The following RGS7 variants were observed in gnomAD, a reference collection of about 807,000 sequenced individuals.
The protein encoded by RGS7 is regulator of G-protein signaling 7.
Under a neutral mutation model 81.1 loss-of-function variants are expected in RGS7, and 27 were observed. That is an observed-to-expected ratio of 0.33 (90% CI 0.25 to 0.46). RGS7 has a LOEUF of 0.46. Ranked by LOEUF, RGS7 falls within the 20% of genes least tolerant of loss-of-function variation. The probability of loss-of-function intolerance (pLI) is 1.00; values close to 1 mark genes in which losing one functional copy is unlikely to be tolerated. For synonymous variants in RGS7, 208 were observed against 207.7 expected (o/e 1.00, Z -0.01); for missense variants, 396 against 607.4 (o/e 0.65, Z 3.66).
chr1:241,125,742 C>A (rs2066614288), intron 2 of RGS7, among the ~76,000 whole-genome samples: 1 of 152,192 alleles, frequency 6.6e-6, no homozygotes, highest in Non-Finnish European at 1.5e-5. Flanking sequence ...TTCAGGGTGA[C>A]CCTGTACAGA....
intron 2 of RGS7, among the ~76,000 whole-genome samples, chr1:241,206,887 C>T (rs1481441104): frequency 6.6e-6 from 1 of 151,282 alleles, no homozygotes; most frequent in African/African-American, 2.4e-5. Flanking sequence ...GCACTTAGTG[C>T]TGTCTCAATT....
chr1:240,821,038 A>T (rs543303722), intron 10 of RGS7, among the ~76,000 whole-genome samples: 56 of 152,272 alleles, frequency 3.7e-4, no homozygotes, highest in African/African-American at 1.3e-3. Context: ...GGAAGTCAGT[A>T]CACAGAAAGA....
intron 18 of RGS7, among the ~76,000 whole-genome samples, chr1:240,796,150 A>G (rs1687033991): frequency 6.6e-6 from 1 of 152,180 alleles, no homozygotes; most frequent in Non-Finnish European, 1.5e-5. Flanking sequence ...ACCTAAATAG[A>G]AACACATCAA....
chr1:241,137,008 A>G (rs1340037671), intron 2 of RGS7, among the ~76,000 whole-genome samples: 1 of 152,122 alleles, frequency 6.6e-6, no homozygotes, highest in Non-Finnish European at 1.5e-5. Context: ...TTCTTAAACA[A>G]TGTGCATTAC....
At chr1:240,906,647 G>A (rs935857515) in intron 6 of RGS7, among the ~76,000 whole-genome samples, 3 of 152,322 alleles carry the variant, frequency 2.0e-5, no homozygotes, top group South Asian at 2.1e-4. Flanking sequence ...AGTACAATGT[G>A]TTATCACTGT....
intron 2 of RGS7, among the ~76,000 whole-genome samples, chr1:241,241,872 C>T (rs959245643): frequency 3.3e-5 from 5 of 151,850 alleles, no homozygotes; most frequent in Non-Finnish European, 1.5e-5. Flanking sequence ...ATACTGTGTT[C>T]GCTTTTTGAA....
chr1:241,212,733 C>A (rs1402944360), intron 2 of RGS7, among the ~76,000 whole-genome samples: 1 of 152,196 alleles, frequency 6.6e-6, no homozygotes, highest in Non-Finnish European at 1.5e-5. Context: ...ACCTCACCAG[C>A]AGGGTGTCCT....
rs1047237249 is a variant in RGS7, at chr1:241,164,148, G to A, written c.79-65386C>T. 1.3e-5 allele frequency among the ~76,000 whole-genome samples: 2 copies of A among 152,142 alleles called. No homozygotes were observed. Among genetic ancestry groups the A allele is most frequent in the Non-Finnish European group, 2.9e-5 (2 of 68,022 alleles). On this transcript the variant is annotated intron_variant, in intron 2 of 18. Coordinates refer to ENST00000440928, the MANE Select transcript of RGS7 (RefSeq NM_001364886.1). The surrounding 1 kb of genome is among the most constrained non-coding windows in gnomAD (Gnocchi z 4.1). ...AAAGGATATTACAAAGGATACAGGT[G>A]AAGAGATGCATAGGGTGAGGTATGG...
intron 9 of RGS7, among the ~76,000 whole-genome samples, chr1:240,858,344 T>C (rs1313580191): frequency 2.6e-5 from 4 of 152,266 alleles, no homozygotes; most frequent in East Asian, 3.8e-4. Flanking sequence ...TGTACCATTT[T>C]GCATTTCCAC....
intron 2 of RGS7, among the ~76,000 whole-genome samples, chr1:241,242,100 G>GC (rs1172399731): frequency 6.6e-6 from 1 of 150,790 alleles, no homozygotes; most frequent in African/African-American, 2.4e-5. Flanking sequence ...ATCCCCTACT[G>GC]CCCCCCACCC....
At chr1:240,858,696 A>G (rs1262571265) in intron 9 of RGS7, among the ~76,000 whole-genome samples, 1 of 152,216 alleles carries the variant, frequency 6.6e-6, no homozygotes, top group African/African-American at 2.4e-5. Flanking sequence ...TATAGAGTAA[A>G]AGATTTTAAT....
intron 6 of RGS7, among the ~76,000 whole-genome samples, chr1:240,909,362 C>A (rs1010247288): frequency 2.4e-4 from 37 of 152,276 alleles, no homozygotes; most frequent in African/African-American, 8.4e-4. Context: ...ATCCATACCC[C>A]ATCTTCTGAA....
At chr1:241,098,974 G>C (rs1336994982) in intron 2 of RGS7, among the ~76,000 whole-genome samples, 1 of 152,138 alleles carries the variant, frequency 6.6e-6, no homozygotes, top group Non-Finnish European at 1.5e-5. Flanking sequence ...GGCCCATTAA[G>C]CTACCAATAG....
chr1:241,113,469 C>A (rs181728848), intron 2 of RGS7, among the ~76,000 whole-genome samples: 102 of 152,246 alleles, frequency 6.7e-4, no homozygotes, highest in Non-Finnish European at 1.2e-3. Context: ...CCCTGTAGAG[C>A]TTTACTTTCT....
At position 241,130,535 on chromosome 1, in the gene RGS7, G is replaced by T. The variant is rs144621794; in HGVS notation, c.79-31773C>A. On this transcript the variant is annotated intron_variant, in intron 2 of 18. Transcript: ENST00000440928. ...CAAATCCTTTAGGTAGCTTTCAATT[G>T]TCCATGTCTGTTAGTGAGAAGAGGG... Among the ~76,000 whole-genome samples, 389 of 152,124 alleles carry T rather than the reference G, an allele frequency of 2.6e-3. 1 individual carries two copies. Among genetic ancestry groups the T allele is most frequent in the Non-Finnish European group, 4.3e-3 (295 of 68,002 alleles).
intron 2 of RGS7, among the ~76,000 whole-genome samples, chr1:241,247,469 G>C (rs979692039): frequency 9.9e-5 from 15 of 152,270 alleles, no homozygotes; most frequent in African/African-American, 3.1e-4. Flanking sequence ...GAGAGACTGA[G>C]GGGAGTCTGA....
chr1:240,912,521 C>T (rs995107539), intron 6 of RGS7, among the ~76,000 whole-genome samples: 3 of 152,114 alleles, frequency 2.0e-5, no homozygotes, highest in Admixed American at 2.0e-4. Flanking sequence ...CAGGGCCACA[C>T]TTCAAGAAAT....
At chr1:241,327,141 A>AG (rs1553320903) in intron 2 of RGS7, among the ~76,000 whole-genome samples, 4 of 78,780 alleles carry the variant, frequency 5.1e-5, no homozygotes, top group Admixed American at 1.2e-4. Flanking sequence ...AAAGAAAGAA[A>AG]GAAAGGAAAG....
At chr1:241,236,166 CTCCG>C (rs368436566) in intron 2 of RGS7, among the ~76,000 whole-genome samples, 12 of 142,684 alleles carry the variant, frequency 8.4e-5, no homozygotes, top group South Asian at 2.3e-4. Context: ...AAATGACGAC[CTCCG>C]CCCCCCATAT....
Sources: gnomAD v4.1 joint callset for allele counts (sites outside exome capture counted in the v4.1 genomes callset) on GRCh38, gnomAD v4.1.1 for gene constraint, Gnocchi (gnomAD v3.1) non-coding constraint, MANE v1.5 for transcripts, NCBI Gene and HGNC (gene_info 2026-07-23, HGNC 2026-07-21) for gene names.